C10orf105: variants seen among roughly 807,000 people sequenced by gnomAD.
C10orf105 encodes the protein uncharacterized protein C10orf105.
C10orf105 carries 2 observed loss-of-function variants against 0.6 expected under a neutral mutation model. The ratio of observed to expected loss-of-function variants is 3.18; its 90% CI spans 1.30 to 10.01. The LOEUF is 10.01. Among genes scored for constraint, C10orf105 ranks in the 30% most tolerant of loss-of-function variants. The pLI is 0.04. For missense variants in C10orf105, 209 were observed against 191.4 expected (o/e 1.09, Z -0.54); for synonymous variants, 95 against 82.4 (o/e 1.15, Z -0.83).
chr10:71,718,725 C>G (rs986762420), intron 1 of C10orf105, among the ~76,000 whole-genome samples: 1 of 152,204 alleles, frequency 6.6e-6, no homozygotes, highest in African/African-American at 2.4e-5. Flanking sequence ...CCCTACTGGG[C>G]TAGCAAATAG....
chr10:71,729,196 G>T (rs907061997), intron 1 of C10orf105, among the ~76,000 whole-genome samples: 5 of 152,342 alleles, frequency 3.3e-5, no homozygotes, highest in African/African-American at 1.2e-4. Context: ...TTCATAAAGA[G>T]AACTTAGTGC....
chr10:71,720,091 C>T (rs865904620), upstream of C10orf105, among the ~76,000 whole-genome samples: 2 of 152,196 alleles, frequency 1.3e-5, no homozygotes, highest in African/African-American at 2.4e-5. Flanking sequence ...GCCAGAGGTT[C>T]GCTATTCAGT....
Position 71,715,699 on chromosome 10 carries a change from G to T in C10orf105, c.*237C>A. ...AGATGACCACGAGTGCACATCTCTT[G>T]ACCAGAAGTCTTTCATCAAGCAGCA... is the stretch of plus-strand genomic sequence containing the variant. On this transcript the variant is annotated 3_prime_UTR_variant, in exon 2 of 2. Transcript: ENST00000441508. 1 of 400,046 alleles carries T rather than the reference G, an allele frequency of 2.5e-6. No homozygotes were observed. The allele number at this position is 400,046 out of a possible 1,614,324, so 24.8% of individuals were successfully genotyped here.
At chr10:71,729,450 AG>A (rs1314786179) in intron 1 of C10orf105, among the ~76,000 whole-genome samples, 1 of 152,172 alleles carries the variant, frequency 6.6e-6, no homozygotes, top group Non-Finnish European at 1.5e-5. Flanking sequence ...TGCCCCAAAC[AG>A]GGCCAGGGAA....
intron 1 of C10orf105, among the ~76,000 whole-genome samples, chr10:71,729,567 G>A (rs568278655): frequency 2.6e-5 from 4 of 152,324 alleles, no homozygotes; most frequent in Admixed American, 6.5e-5. Flanking sequence ...CCAACAGCCC[G>A]GGTGTGGGTG....
chr10:71,720,427 A>ACACT (rs1200233381), upstream of C10orf105, among the ~76,000 whole-genome samples: 1 of 151,368 alleles, frequency 6.6e-6, no homozygotes, highest in Non-Finnish European at 1.5e-5. Context: ...CAAAACACAC[A>ACACT]CACACACACA....
chr10:71,733,110 T>G lies in C10orf105; in HGVS notation c.-6+4618A>C, dbSNP rs1006849096. Among the ~76,000 whole-genome samples the G allele has an allele frequency of 3.0e-4, 46 of 152,148 alleles. 1 individual carries two copies. The highest frequency in any genetic ancestry group is 2.5e-3 in the Admixed American group (38 of 15,274). On this transcript the variant is annotated intron_variant, in intron 1 of 1. Transcript: ENST00000398786. ...GAGTTCCCACAACCCCCTCCACAAGTTCGATGAATTTGCTAGAGCAGCTTG... is the reference window on the plus strand; with the variant it reads ...GAGTTCCCACAACCCCCTCCACAAGGTCGATGAATTTGCTAGAGCAGCTTG...
chr10:71,728,143 G>T (rs1230370329), intron 1 of C10orf105, among the ~76,000 whole-genome samples: 1 of 152,138 alleles, frequency 6.6e-6, no homozygotes, highest in Non-Finnish European at 1.5e-5. Context: ...GGAGTGGTTA[G>T]TTTCTGTTTA....
intron 1 of C10orf105, chr10:71,734,709 G>A (rs894242797): frequency 1.4e-5 from 17 of 1,238,176 alleles, no homozygotes; most frequent in Non-Finnish European, 1.7e-5. Flanking sequence ...TGTGGCCAGT[G>A]CTGGCCGGGC....
At chr10:71,718,471 G>A (rs1237285176) in intron 1 of C10orf105, among the ~76,000 whole-genome samples, 1 of 152,236 alleles carries the variant, frequency 6.6e-6, no homozygotes, top group East Asian at 1.9e-4. Context: ...CGCCTTTGCG[G>A]CATCAGGCCT....
chr10:71,737,208 C>T (rs1460154489), intron 1 of C10orf105, among the ~76,000 whole-genome samples: 1 of 152,190 alleles, frequency 6.6e-6, no homozygotes, highest in African/African-American at 2.4e-5. Context: ...TGGGTAGAGT[C>T]TTGGCAAGAG....
chr10:71,722,596 G>A (rs76118926), upstream of C10orf105, among the ~76,000 whole-genome samples: 6 of 152,326 alleles, frequency 3.9e-5, no homozygotes, highest in East Asian at 7.7e-4. Flanking sequence ...GGGGATATGG[G>A]CAATAAGCAA....
rs1400773548 is a variant in C10orf105, at chr10:71,713,266, G to C, written c.*2670C>G. On this transcript the variant is annotated 3_prime_UTR_variant, in exon 2 of 2. Transcript: ENST00000441508. ...CAAGAAGAAAGGGCTCCTTTGCCCA[G>C]GGAGCAGGCGCAACAGCTCCAAGGC... The C allele has an allele frequency of 1.3e-6, 1 of 779,396 alleles. No individual in the cohort carries two copies. Among genetic ancestry groups the C allele is most frequent in the Admixed American group, 1.7e-5 (1 of 59,014 alleles). The allele number at this position is 779,396 out of a possible 1,614,324, so 48.3% of individuals were successfully genotyped here. A position where few individuals can be genotyped will look rare whatever the true frequency, so the allele number is the denominator to read the frequency against.
chr10:71,734,804 C>G, intron 1 of C10orf105: 4 of 512,784 alleles, frequency 7.8e-6, no homozygotes, highest in Non-Finnish European at 1.5e-5. Context: ...AGTGCCTCCA[C>G]TCTCACACCT....
chr10:71,713,582 C>T lies in C10orf105; in HGVS notation c.*2354G>A. On this transcript the variant is annotated 3_prime_UTR_variant, in exon 2 of 2. Transcript: ENST00000441508. ...GGCTGGGGAGCAGGGAGCTGACTCC[C>T]AGAAACACAGAGAGCCCAGAAAGCC... 4.8e-6 allele frequency: 2 copies of T among 413,518 alleles called. No homozygotes were observed. Among genetic ancestry groups the T allele is most frequent in the Non-Finnish European group, 8.8e-6 (2 of 226,984 alleles). The allele number at this position is 413,518 out of a possible 1,614,324, so 25.6% of individuals were successfully genotyped here. A position where few individuals can be genotyped will look rare whatever the true frequency, so the allele number is the denominator to read the frequency against.
intron 1 of C10orf105, 55 bp from the exon 2 acceptor site, chr10:71,716,397 CG>C (rs1866240785): frequency 7.1e-7 from 1 of 1,407,282 alleles, no homozygotes; most frequent in African/African-American, 1.5e-5. Flanking sequence ...CCCAGGGCAG[CG>C]GGTATAGGGA....
intron 1 of C10orf105, 75 bp from the exon 2 acceptor site, chr10:71,716,417 C>G (rs1866241996): frequency 1.6e-6 from 2 of 1,254,868 alleles, no homozygotes; most frequent in East Asian, 5.2e-5. Flanking sequence ...GAAGACTTAC[C>G]TAGGGAATGT....
At chr10:71,729,941 TCTC>T (rs1167102894) in intron 1 of C10orf105, among the ~76,000 whole-genome samples, 1 of 151,894 alleles carries the variant, frequency 6.6e-6, no homozygotes, top group Non-Finnish European at 1.5e-5. Context: ...TTCACACCAT[TCTC>T]CTCCCTCAGC....
chr10:71,731,050 C>A (rs1320019358), intron 1 of C10orf105, among the ~76,000 whole-genome samples: 1 of 152,234 alleles, frequency 6.6e-6, no homozygotes, highest in African/African-American at 2.4e-5. Flanking sequence ...GGGGCAGTAC[C>A]CTTCCTGTGC....
Sources: gnomAD v4.1 joint callset for allele counts (sites outside exome capture counted in the v4.1 genomes callset) on GRCh38, gnomAD v4.1.1 for gene constraint, MANE v1.5 for transcripts, NCBI Gene and HGNC (gene_info 2026-07-23, HGNC 2026-07-21) for gene names.